Variants in OPTN observed in about 807,000 individuals in gnomAD.
OPTN encodes the protein optineurin, also known as E3-14.7K-interacting protein.
Under a neutral mutation model 70.4 loss-of-function variants are expected in OPTN, and 54 were observed. The observed-to-expected ratio is 0.77, with a 90% confidence interval of 0.62 to 0.96. The LOEUF (loss-of-function observed/expected upper bound fraction) is 0.96. Ranked by LOEUF, OPTN falls within the 40% of genes least tolerant of loss-of-function variation. OPTN has a pLI of 0.00. For missense variants in OPTN, 624 were observed against 673.2 expected, an observed-to-expected ratio of 0.93 and a Z score of 0.81; for synonymous variants, 256 against 248.5, an observed-to-expected ratio of 1.03 and a Z score of -0.28.
intron 13 of OPTN, 94 bp from the exon 14 acceptor site, chr10:13,133,408 C>A: frequency 9.0e-7 from 1 of 1,109,018 alleles, no homozygotes; most frequent in Non-Finnish European, 1.4e-6. Flanking sequence ...TAGTTTGAGT[C>A]TTTTTTCCCC....
In OPTN at chr10:13,110,269, T is replaced by C; in HGVS notation, c.167-5T>C. 6.2e-7 allele frequency: 1 copy of C among 1,613,598 alleles called. No individual in the cohort carries two copies. The stretch of plus-strand genomic sequence containing the variant: ...TGTGACTCCATCACTCTGAACCTCC[T>C]GCAGAAGCCATGAAGCTAAATAATC... On this transcript the variant is annotated splice_polypyrimidine_tract_variant and splice_region_variant and intron_variant, in intron 3 of 14. Coordinates refer to ENST00000378747, the MANE Select transcript of OPTN (RefSeq NM_001008212.2).
chr10:13,137,046 G>A lies in OPTN; in HGVS notation c.*180G>A, dbSNP rs1588456494. On this transcript the variant is annotated 3_prime_UTR_variant, in exon 15 of 15. Coordinates refer to ENST00000378747, the MANE Select transcript of OPTN (RefSeq NM_001008212.2). ...TGTAATCCCAGCACTTTGGGAGGTC[G>A]AGGTGGGTGGATCACTTGGGGTCAG... 5 of 714,088 alleles carry A rather than the reference G, an allele frequency of 7.0e-6. No homozygotes were observed. The highest frequency in any genetic ancestry group is 3.8e-4 in the Middle Eastern group (1 of 2,614). 44.2% of individuals were successfully genotyped at this position (714,088 alleles called of 1,614,324 possible). A position where few individuals can be genotyped will look rare whatever the true frequency, so the allele number is the denominator to read the frequency against.
chr10:13,133,456 C>G (rs368325330), intron 13 of OPTN, 46 bp from the exon 14 acceptor site: 1 of 1,513,166 alleles, frequency 6.6e-7, no homozygotes, highest in South Asian at 1.1e-5. Context: ...TGTCATGTTT[C>G]GGGGTTGTAG....
Position 13,127,887 on chromosome 10 carries a change from C to T in OPTN, c.1385C>T (p.Thr462Ile), listed in dbSNP as rs1833502405. ...CAGGAAGAGGACCTGGAAACCATGACCATCCTCAGGGCTCAGGTGAGGCAC... is the reference window on the plus strand; with the variant it reads ...CAGGAAGAGGACCTGGAAACCATGATCATCCTCAGGGCTCAGGTGAGGCAC... ...AKQEEDLETMTILRAQMEVYC... is the reference protein window; with the variant it reads ...AKQEEDLETMIILRAQMEVYC... Residue 462 changes from threonine (T) to isoleucine (I), a missense_variant, in exon 12 of 15, where the codon ACC becomes ATC. Thr to Ile is a moderately conservative substitution (Grantham distance 89, BLOSUM62 -1). Transcript: ENST00000378747. 6.2e-7 allele frequency: 1 copy of T among 1,614,040 alleles called. No individual in the cohort carries two copies. Among genetic ancestry groups the T allele is most frequent in the African/African-American group, 1.3e-5 (1 of 74,924 alleles).
Position 13,132,215 on chromosome 10 carries a change from G to A in OPTN, c.1532+18G>A. The A allele has an allele frequency of 6.2e-7, 1 of 1,610,508 alleles. No individual in the cohort carries two copies. The highest frequency in any genetic ancestry group is 8.5e-7 in the Non-Finnish European group (1 of 1,177,692). On this transcript the variant is annotated intron_variant, in intron 13 of 14. Coordinates refer to ENST00000378747, the MANE Select transcript of OPTN (RefSeq NM_001008212.2). ...GGAGGCAGGTAAGGAAAAGAGAGAG[G>A]AGGACCCAGAGCTCACATCAGCATG...
rs553794747 is a variant in OPTN at position 13,120,178 on chromosome 10, C to T, written c.779+1138C>T. On this transcript the variant is annotated intron_variant, in intron 7 of 14. Transcript: ENST00000378747. ...TTTTTTTTTGTATTTTTAGTAGAGA[C>T]GGGGTTTCACCATGTTAGCCAGGAT... is the stretch of plus-strand genomic sequence containing the variant. Among the ~76,000 whole-genome samples, 795 of 150,840 alleles carry T rather than the reference C, an allele frequency of 5.3e-3. 7 individuals carry two copies. The highest frequency in any genetic ancestry group is 0.018 in the African/African-American group (750 of 41,054).
At chr10:13,106,912 T>G (rs1000942342) in intron 1 of OPTN, among the ~76,000 whole-genome samples, 2 of 152,154 alleles carry the variant, frequency 1.3e-5, no homozygotes, top group African/African-American at 4.8e-5. Context: ...TAGTCATGAG[T>G]GGCTGATGGA....
At chr10:13,135,953 G>A (rs746589568) in intron 14 of OPTN, among the ~76,000 whole-genome samples, 2 of 152,202 alleles carry the variant, frequency 1.3e-5, no homozygotes, top group Non-Finnish European at 2.9e-5. Context: ...ATGGGAGGCT[G>A]AGATGGAAGG....
At chr10:13,127,134 T>C (rs377545838) in intron 11 of OPTN, among the ~76,000 whole-genome samples, 256 of 152,302 alleles carry the variant, frequency 1.7e-3, no homozygotes, top group African/African-American at 3.5e-3. Flanking sequence ...GCCTTGTAAA[T>C]ATACTCTTTG....
rs867368757 is a variant in OPTN at position 13,125,944 on chromosome 10, A to G, written c.1149-2A>G. ...TCCATTTTTTAATATCTTTTTTAAT[A>G]GGTCCAAATTAACTGTGCTACAGAT... On this transcript the variant is annotated splice_acceptor_variant, in intron 10 of 14. Transcript: ENST00000378747. LOFTEE classifies it high-confidence loss of function. 5.6e-6 allele frequency: 9 copies of G among 1,595,850 alleles called. No individual in the cohort carries two copies. Among genetic ancestry groups the G allele is most frequent in the South Asian group, 1.1e-5 (1 of 90,626 alleles).
At position 13,109,432 on chromosome 10, in the gene OPTN, G is replaced by A. The variant is rs2131481596; in HGVS notation, c.166+144G>A. The A allele has an allele frequency of 1.0e-5, 8 of 774,914 alleles. No homozygotes were observed. In the East Asian group the frequency reaches 1.6e-4, roughly 16 times the overall value. 48.0% of individuals were successfully genotyped at this position (774,914 alleles called of 1,614,324 possible). A position where few individuals can be genotyped will look rare whatever the true frequency, so the allele number is the denominator to read the frequency against. ...TGGGGAAGCACAGGATTTAGCATTT[G>A]GCAAGGCTAAATCTGTTCTGATTTT... On this transcript the variant is annotated intron_variant, in intron 3 of 14. Coordinates refer to ENST00000378747, the MANE Select transcript of OPTN (RefSeq NM_001008212.2).
At chr10:13,112,171 G>A (rs1161077267) in intron 4 of OPTN, among the ~76,000 whole-genome samples, 1 of 91,452 alleles carries the variant, frequency 1.1e-5, no homozygotes, top group African/African-American at 4.7e-5. Flanking sequence ...TTTTTTTTTT[G>A]AGACAGGGTC....
intron 14 of OPTN, among the ~76,000 whole-genome samples, chr10:13,134,398 G>A (rs368936567): frequency 6.6e-6 from 1 of 152,030 alleles, no homozygotes; most frequent in Non-Finnish European, 1.5e-5. Flanking sequence ...ATAGGTGTTT[G>A]TGTGTTCTAG....
intron 1 of OPTN, among the ~76,000 whole-genome samples, chr10:13,102,418 A>C (rs1351252935): frequency 6.6e-6 from 1 of 152,230 alleles, no homozygotes; most frequent in Non-Finnish European, 1.5e-5. Context: ...GAGGACTGAA[A>C]TTGACAGGGC....
chr10:13,109,265 T>G lies in OPTN; in HGVS notation c.143T>G (p.Leu48Arg), dbSNP rs1832940696. ...EELLQQMKEL[L>R]TENHQLKEAM... ...CTGCTGCAGCAGATGAAAGAGCTCC[T>G]GACCGAGAACCACCAGCTGAAAGGT... The change falls in exon 3 of 15, where the codon CTG becomes CGG. Residue 48 changes from leucine to arginine, a missense_variant. By Grantham distance (102) the Leu-to-Arg change is moderately radical. Coordinates refer to ENST00000378747, the MANE Select transcript of OPTN (RefSeq NM_001008212.2). The G allele has an allele frequency of 6.2e-7, 1 of 1,613,880 alleles. No homozygotes were observed. The highest frequency in any genetic ancestry group is 8.5e-7 in the Non-Finnish European group (1 of 1,179,972).
At position 13,133,528 on chromosome 10, in the gene OPTN, G is replaced by A. The variant is rs200088838; in HGVS notation, c.1559G>A (p.Arg520His). The change falls in exon 14 of 15, where the codon CGT becomes CAT. Residue 520 changes from arginine (R) to histidine (H), a missense_variant. By Grantham distance (29) the Arg-to-His change is conservative. Coordinates refer to ENST00000378747, the MANE Select transcript of OPTN (RefSeq NM_001008212.2). ...GRQSLMEMQS[R>H]HGARTSDSDQ... The stretch of plus-strand genomic sequence containing the variant: ...CAGTCCTTGATGGAGATGCAGAGTC[G>A]TCATGGGGCGAGAACAAGTGACTCT... 262 of 1,614,100 alleles carry A rather than the reference G, an allele frequency of 1.6e-4. 1 individual carries two copies. In the Admixed American group the frequency reaches 3.9e-3, roughly 24 times the overall value.
At chr10:13,102,096 A>AG (rs958233958) in intron 1 of OPTN, among the ~76,000 whole-genome samples, 1 of 152,224 alleles carries the variant, frequency 6.6e-6, no homozygotes, top group Non-Finnish European at 1.5e-5. Context: ...CATATGACAC[A>AG]GGACATCATA....
chr10:13,122,392 G>C lies in OPTN; in HGVS notation c.787G>C (p.Asp263His), dbSNP rs756258687. The change falls in exon 8 of 15, where the codon GAT becomes CAT. Residue 263 changes from aspartate to histidine, a missense_variant. Transcript: ENST00000378747. ...ALKEAKERVS[D>H]FEKKTSNRSE... ...TCTTCTGTGATTTTCCAGAGTTTCA[G>C]ATTTTGAAAAGAAAACAAGTAATCG... 4 of 1,611,886 alleles carry C rather than the reference G, an allele frequency of 2.5e-6. No homozygotes were observed. In the East Asian group the frequency reaches 8.9e-5, roughly 36 times the overall value.
At chr10:13,136,318 G>A (rs1331637259) in intron 14 of OPTN, among the ~76,000 whole-genome samples, 2 of 152,048 alleles carry the variant, frequency 1.3e-5, no homozygotes, top group Non-Finnish European at 2.9e-5. Context: ...GACCAGTCTG[G>A]CCAACATGGC....
Sources: allele counts gnomAD v4.1 joint callset (sites outside exome capture counted in the v4.1 genomes callset), GRCh38; gene constraint gnomAD v4.1.1; transcripts MANE v1.5; gene names NCBI Gene and HGNC (gene_info 2026-07-23, HGNC 2026-07-21).